The following DLGAP1 variants were observed in gnomAD, a reference collection of about 807,000 sequenced individuals.
DLGAP1 encodes disks large-associated protein 1.
A neutral mutation model predicts 90.8 loss-of-function variants in DLGAP1; 11 were observed. The ratio of observed to expected loss-of-function variants is 0.12; its 90% CI spans 0.08 to 0.20. The LOEUF (loss-of-function observed/expected upper bound fraction) is 0.20, where lower values mean the gene tolerates loss of function less well. DLGAP1 is among the 10% of genes least tolerant of loss of function. DLGAP1 has a pLI of 1.00. For missense variants in DLGAP1, 1,050 were observed against 1,333.8 expected (o/e 0.79, Z 3.31); for synonymous variants, 558 against 540.7 (o/e 1.03, Z -0.44).
chr18:3,550,432 C>G, intron 9 of DLGAP1, among the ~76,000 whole-genome samples: 1 of 152,030 alleles, frequency 6.6e-6, no homozygotes, highest in East Asian at 1.9e-4. Flanking sequence ...GGCTATTTTG[C>G]TTAGGCTGGT....
At chr18:4,393,063 C>T (rs559611841) in intron 1 of DLGAP1, among the ~76,000 whole-genome samples, 2 of 152,164 alleles carry the variant, frequency 1.3e-5, no homozygotes, top group Non-Finnish European at 2.9e-5. Flanking sequence ...CTTACAGCAG[C>T]CCTCACGTGG....
intron 3 of DLGAP1, among the ~76,000 whole-genome samples, chr18:3,889,688 G>C (rs2071409306): frequency 6.6e-6 from 1 of 152,176 alleles, no homozygotes; most frequent in Non-Finnish European, 1.5e-5. Flanking sequence ...TGGAAGACTG[G>C]ACTCAGGGGC....
At position 4,040,339 on chromosome 18, in the gene DLGAP1, A is replaced by T. The variant is rs547996625; in HGVS notation, c.-158-35138T>A. Among the ~76,000 whole-genome samples, 33 of 152,354 alleles carry T rather than the reference A, an allele frequency of 2.2e-4. 1 individual carries two copies. The South Asian group carries it at 6.6e-3, about 31-fold the overall frequency. ...GAACACTCACTTAATGTTGGCTATT[A>T]TAATTCTAGTCATTATAAAACAGCT... On this transcript the variant is annotated intron_variant, in intron 2 of 12. Transcript: ENST00000315677.
chr18:3,505,727 G>A (rs1159224107), intron 11 of DLGAP1, among the ~76,000 whole-genome samples: 2 of 151,670 alleles, frequency 1.3e-5, no homozygotes, highest in Non-Finnish European at 2.9e-5. Context: ...GCTTTCAGCA[G>A]GGTGTCAGGC....
chr18:3,771,660 T>G (rs1464212019), intron 5 of DLGAP1, among the ~76,000 whole-genome samples: 3 of 152,224 alleles, frequency 2.0e-5, no homozygotes, highest in African/African-American at 7.2e-5. Context: ...TGTTTGACGT[T>G]GGTGACTTAA....
intron 4 of DLGAP1, chr18:3,874,596 T>C (rs1286283442): frequency 6.6e-7 from 1 of 1,517,090 alleles, no homozygotes. Context: ...TTTATTTATT[T>C]AACTATTAAG....
rs181362811 is a variant in DLGAP1 at position 3,723,015 on chromosome 18, T to C, written c.1591+6120A>G. ...TTGCCTCCTGTTGGAGGTTCACCAC[T>C]TTGGGCCTTAGTTTCCTTACCTTTG... On this transcript the variant is annotated intron_variant, in intron 7 of 12. Transcript: ENST00000315677. 1.2e-3 allele frequency among the ~76,000 whole-genome samples: 176 copies of C among 152,324 alleles called. 1 individual carries two copies. Among genetic ancestry groups the C allele is most frequent in the African/African-American group, 3.8e-3 (158 of 41,578 alleles).
chr18:3,551,158 C>CATATAT (rs1275015577), intron 9 of DLGAP1, among the ~76,000 whole-genome samples: 104 of 7,832 alleles, frequency 0.013, 1 homozygote, highest in Admixed American at 0.023. Flanking sequence ...ATATTATATA[C>CATATAT]ATATATATAT....
intron 1 of DLGAP1, among the ~76,000 whole-genome samples, chr18:4,341,769 T>A (rs2081193849): frequency 6.6e-6 from 1 of 152,166 alleles, no homozygotes; most frequent in East Asian, 1.9e-4. Context: ...TTGTCAGACA[T>A]CAAACATAAG....
chr18:4,335,048 T>C (rs2081039215), intron 1 of DLGAP1, among the ~76,000 whole-genome samples: 1 of 151,872 alleles, frequency 6.6e-6, no homozygotes, highest in African/African-American at 2.4e-5. Flanking sequence ...AACAAATTCT[T>C]GGTTCAAGAA....
At chr18:4,206,117 C>G (rs1022080257) in intron 1 of DLGAP1, among the ~76,000 whole-genome samples, 2 of 152,208 alleles carry the variant, frequency 1.3e-5, no homozygotes, top group East Asian at 3.9e-4. Flanking sequence ...TTATAGTGGA[C>G]TGGAGAAAGG....
At chr18:3,813,758 C>T (rs3786432) in intron 5 of DLGAP1, among the ~76,000 whole-genome samples, 111,830 of 151,762 alleles carry the variant, frequency 0.74, 41,563 homozygotes, top group African/African-American at 0.83. Flanking sequence ...CCAGAAATTT[C>T]AATCCTTTTC....
At chr18:3,709,610 A>G (rs549595541) in intron 7 of DLGAP1, among the ~76,000 whole-genome samples, 2 of 152,242 alleles carry the variant, frequency 1.3e-5, no homozygotes, top group African/African-American at 2.4e-5. Flanking sequence ...GGTCCTAGAG[A>G]CTCACTGTAA....
At position 4,285,255 on chromosome 18, in the gene DLGAP1, C is replaced by T. The variant is rs1340429945; in HGVS notation, c.-266-133968G>A. 4.6e-5 allele frequency among the ~76,000 whole-genome samples: 7 copies of T among 152,082 alleles called. No homozygotes were observed. The East Asian group carries it at 1.4e-3, about 29-fold the overall frequency. On this transcript the variant is annotated intron_variant, in intron 1 of 12. Coordinates refer to ENST00000315677, the MANE Select transcript of DLGAP1 (RefSeq NM_004746.4). ...AGAGAAAAGTTCACTACAATTATTACAAAACTGAAGCTAAAAGGGGAATGG... is the reference window on the plus strand; with the variant it reads ...AGAGAAAAGTTCACTACAATTATTATAAAACTGAAGCTAAAAGGGGAATGG...
chr18:3,840,371 G>A (rs1325320659), intron 4 of DLGAP1, among the ~76,000 whole-genome samples: 1 of 152,154 alleles, frequency 6.6e-6, no homozygotes, highest in African/African-American at 2.4e-5. Context: ...CTCGAGGGGA[G>A]AATCCATTTC....
At chr18:3,547,145 C>CA (rs2053086033) in intron 9 of DLGAP1, among the ~76,000 whole-genome samples, 1 of 151,368 alleles carries the variant, frequency 6.6e-6, no homozygotes, top group South Asian at 2.1e-4. Context: ...ACTAAAAATA[C>CA]AAAAAATTAG....
At chr18:4,359,885 A>G (rs145551378) in intron 1 of DLGAP1, among the ~76,000 whole-genome samples, 4 of 152,340 alleles carry the variant, frequency 2.6e-5, no homozygotes, top group Non-Finnish European at 5.9e-5. Context: ...GTTGGAGGGA[A>G]GCAAACAATA....
intron 9 of DLGAP1, among the ~76,000 whole-genome samples, chr18:3,547,218 T>G (rs9959077): frequency 0.4 from 58,932 of 149,170 alleles, 13,148 homozygotes; most frequent in African/African-American, 0.61. Flanking sequence ...GGAGAATGGC[T>G]TGAACCCCCG....
chr18:4,263,674 G>T (rs150778163), intron 1 of DLGAP1, among the ~76,000 whole-genome samples: 1 of 152,242 alleles, frequency 6.6e-6, no homozygotes, highest in Admixed American at 6.5e-5. Flanking sequence ...ATATTTAAAA[G>T]AAAAATAAAT....
Sources: allele counts gnomAD v4.1 joint callset (sites outside exome capture counted in the v4.1 genomes callset), GRCh38; gene constraint gnomAD v4.1.1; transcripts MANE v1.5; gene names NCBI Gene and HGNC (gene_info 2026-07-23, HGNC 2026-07-21).